STON2: variants seen among roughly 807,000 people sequenced by gnomAD.
STON2 encodes the protein stonin 2.
STON2 carries 29 observed loss-of-function variants against 65.7 expected under a neutral mutation model. That is an observed-to-expected ratio of 0.44 (90% CI 0.33 to 0.60). The LOEUF is 0.60. STON2 is among the 20% of genes least tolerant of loss of function. STON2 has a pLI of 0.03. For missense variants in STON2, 1,054 were observed against 1,118.1 expected (o/e 0.94, Z 0.82); for synonymous variants, 404 against 414.2 (o/e 0.98, Z 0.30).
intron 7 of STON2, chr14:81,269,640 A>G (rs979350608): frequency 3.0e-6 from 3 of 985,274 alleles, no homozygotes; most frequent in Admixed American, 6.2e-5. Flanking sequence ...TGGTAGTTAA[A>G]TATTTTAGCC....
chr14:81,370,578 C>T (rs541724431), intron 4 of STON2, among the ~76,000 whole-genome samples: 54 of 152,292 alleles, frequency 3.5e-4, no homozygotes, highest in East Asian at 1.9e-3. Context: ...ATATAACATT[C>T]GTTTTCTCTG....
At chr14:81,329,181 C>A (rs1023492668) in intron 4 of STON2, among the ~76,000 whole-genome samples, 2 of 152,056 alleles carry the variant, frequency 1.3e-5, no homozygotes, top group Admixed American at 6.5e-5. Context: ...CATGGCCGGG[C>A]GCGGTGGCTC....
chr14:81,299,884 A>ATTTT (rs34221546), intron 5 of STON2, among the ~76,000 whole-genome samples: 6 of 149,268 alleles, frequency 4.0e-5, no homozygotes, highest in African/African-American at 1.5e-4. Context: ...TGGAAAAAAA[A>ATTTT]TTTTTTTTTT....
chr14:81,279,401 A>C (rs1895014391), intron 5 of STON2, among the ~76,000 whole-genome samples: 1 of 152,192 alleles, frequency 6.6e-6, no homozygotes, highest in Non-Finnish European at 1.5e-5. Flanking sequence ...ACTAGTAATA[A>C]GAAAAATGGC....
chr14:81,385,608 A>G (rs981430226), intron 3 of STON2, among the ~76,000 whole-genome samples: 2 of 152,328 alleles, frequency 1.3e-5, no homozygotes, highest in Admixed American at 1.3e-4. Flanking sequence ...AGCTGACTTC[A>G]CTGAGGGCGC....
chr14:81,263,667 G>T lies in STON2; in HGVS notation c.*4747C>A. The T allele has an allele frequency of 1.1e-6, 1 of 940,324 alleles. No homozygotes were observed. The highest frequency in any genetic ancestry group is 1.3e-6 in the Non-Finnish European group (1 of 788,974). The allele number at this position is 940,324 out of a possible 1,614,324, so 58.2% of individuals were successfully genotyped here. ...AATTCTTCTTCCTATGTGGCCCAGG[G>T]AAGCCAAAAGATTGGACCTCCCTGA... On this transcript the variant is annotated 3_prime_UTR_variant, in exon 8 of 8. Coordinates refer to ENST00000614646, the MANE Select transcript of STON2 (RefSeq NM_001394390.1).
At position 81,266,581 on chromosome 14, in the gene STON2, T is replaced by C. The variant is rs1894365532; in HGVS notation, c.*1833A>G. 3 of 765,360 alleles carry C rather than the reference T, an allele frequency of 3.9e-6. No homozygotes were observed. Among genetic ancestry groups the C allele is most frequent in the Non-Finnish European group, 1.6e-6 (1 of 629,386 alleles). The allele number at this position is 765,360 out of a possible 1,614,324, so 47.4% of individuals were successfully genotyped here. The stretch of plus-strand genomic sequence containing the variant: ...ACAATCAACTTATTAATGTCTCTCT[T>C]AAAATATGATACCCATAATTGAACT... On this transcript the variant is annotated 3_prime_UTR_variant, in exon 8 of 8. Transcript: ENST00000614646.
rs185945122 is a variant in STON2 at position 81,386,941 on chromosome 14, T to C, written c.373+8953A>G. On this transcript the variant is annotated intron_variant, in intron 3 of 7. Transcript: ENST00000614646. Reference sequence around the variant, plus strand: ...AGAACAGTATAAAGATTTTGGATGATAGATGGGCTGACTGCTATATTCTTC... The same window carrying C: ...AGAACAGTATAAAGATTTTGGATGACAGATGGGCTGACTGCTATATTCTTC... Among the ~76,000 whole-genome samples the C allele has an allele frequency of 3.9e-5, 6 of 152,330 alleles. No individual in the cohort carries two copies. In the East Asian group the frequency reaches 5.8e-4, roughly 15 times the overall value.
intron 1 of STON2, among the ~76,000 whole-genome samples, chr14:81,399,819 G>T (rs560978249): frequency 6.6e-6 from 1 of 152,236 alleles, no homozygotes; most frequent in African/African-American, 2.4e-5. Context: ...TTGGTAAAAT[G>T]CTTCCTCCAG....
intron 3 of STON2, among the ~76,000 whole-genome samples, chr14:81,391,931 G>A (rs770709753): frequency 4.6e-5 from 7 of 152,106 alleles, no homozygotes; most frequent in Non-Finnish European, 1.0e-4. Context: ...TCAAAATTAT[G>A]CTTTCATGCA....
intron 1 of STON2, among the ~76,000 whole-genome samples, chr14:81,433,460 G>A (rs1396393242): frequency 6.6e-6 from 1 of 152,130 alleles, no homozygotes; most frequent in East Asian, 1.9e-4. Flanking sequence ...CCTGGCACCC[G>A]ACCCAGGGTC....
chr14:81,416,727 G>A (rs2139879747), intron 2 of STON2, among the ~76,000 whole-genome samples: 1 of 152,338 alleles, frequency 6.6e-6, no homozygotes, highest in African/African-American at 2.4e-5. Context: ...ACAGGAGGCA[G>A]CACTGTGACC....
At position 81,395,949 on chromosome 14, in the gene STON2, T is replaced by C. The variant is rs1900292413; in HGVS notation, c.318A>G (p.Glu106=). 6.2e-7 allele frequency: 1 copy of C among 1,614,152 alleles called. No individual in the cohort carries two copies. The highest frequency in any genetic ancestry group is 8.5e-7 in the Non-Finnish European group (1 of 1,180,016). Reference sequence around the variant, plus strand: ...ATGTGCTGGCCCAGGGTGTGTCATCTTCAAACTGAACCCAGTTGCTGATGG... The same window carrying C: ...ATGTGCTGGCCCAGGGTGTGTCATCCTCAAACTGAACCCAGTTGCTGATGG... ...ASAISNWVQF[E]DDTPWASTSP... Residue 106 remains glutamate, a synonymous_variant, in exon 3 of 8, where the codon GAA becomes GAG. Coordinates refer to ENST00000614646, the MANE Select transcript of STON2 (RefSeq NM_001394390.1).
At chr14:81,424,755 T>A (rs1361575067) in intron 2 of STON2, among the ~76,000 whole-genome samples, 1 of 152,186 alleles carries the variant, frequency 6.6e-6, no homozygotes, top group Non-Finnish European at 1.5e-5. Context: ...TTTTTCCAAG[T>A]TGATAGAAAT....
intron 3 of STON2, among the ~76,000 whole-genome samples, chr14:81,391,729 T>C (rs1900087860): frequency 6.6e-6 from 1 of 152,210 alleles, no homozygotes; most frequent in Non-Finnish European, 1.5e-5. Context: ...GGTTTCCAGG[T>C]TAGAAACACT....
intron 2 of STON2, chr14:81,412,935 T>G (rs1901235031): frequency 1.3e-6 from 1 of 754,312 alleles, no homozygotes. Context: ...CAGGAGACCG[T>G]TGCAGTCAGC....
chr14:81,281,701 C>A (rs1376371504), intron 5 of STON2, among the ~76,000 whole-genome samples: 2 of 152,212 alleles, frequency 1.3e-5, no homozygotes, highest in Non-Finnish European at 1.5e-5. Flanking sequence ...TTTGTCCCTA[C>A]TGAAGATCAT....
intron 5 of STON2, among the ~76,000 whole-genome samples, chr14:81,319,660 T>C (rs927781278): frequency 6.6e-5 from 10 of 152,230 alleles, no homozygotes; most frequent in South Asian, 2.1e-4. Flanking sequence ...CATTGAATTA[T>C]TGGGTTTTAA....
intron 4 of STON2, among the ~76,000 whole-genome samples, chr14:81,337,085 G>A (rs2140281973): frequency 6.6e-6 from 1 of 152,296 alleles, no homozygotes; most frequent in East Asian, 1.9e-4. Context: ...ATACGAAAGT[G>A]TCTGGCAGTG....
Sources: allele counts gnomAD v4.1 joint callset (sites outside exome capture counted in the v4.1 genomes callset), GRCh38; gene constraint gnomAD v4.1.1; transcripts MANE v1.5; gene names NCBI Gene and HGNC (gene_info 2026-07-23, HGNC 2026-07-21).